RBFOX1: variants seen among roughly 807,000 people sequenced by gnomAD.
RBFOX1 encodes RNA binding fox-1 homolog 1, also known as RNA binding protein fox-1 homolog 1.
RBFOX1 carries 8 observed loss-of-function variants against 57.7 expected under a neutral mutation model. The ratio of observed to expected loss-of-function variants is 0.14; its 90% CI spans 0.08 to 0.25. The LOEUF (loss-of-function observed/expected upper bound fraction) is 0.25, where lower values mean the gene tolerates loss of function less well. RBFOX1 is among the 10% of genes least tolerant of loss of function. The pLI is 1.00. For missense variants in RBFOX1, 611 were observed against 548.5 expected (o/e 1.11, Z -1.14); for synonymous variants, 326 against 222.4 (o/e 1.47, Z -4.15).
chr16:7,095,769 T>A (rs774249746), intron 4 of RBFOX1, among the ~76,000 whole-genome samples: 9 of 152,146 alleles, frequency 5.9e-5, no homozygotes, highest in Non-Finnish European at 1.2e-4. Flanking sequence ...ACGCCTGTAA[T>A]CCCAGCACTT....
chr16:7,286,937 C>A (rs1203639191), intron 4 of RBFOX1, among the ~76,000 whole-genome samples: 1 of 152,130 alleles, frequency 6.6e-6, no homozygotes, highest in East Asian at 1.9e-4. Context: ...CCCTGGGCTT[C>A]AAACTTTAAA....
chr16:5,266,810 C>T (rs530625080), intron 1 of RBFOX1, among the ~76,000 whole-genome samples: 15 of 152,128 alleles, frequency 9.9e-5, no homozygotes, highest in African/African-American at 1.9e-4. Flanking sequence ...CTGCTCACCT[C>T]GGCCTCCCAA....
At chr16:6,160,036 C>T (rs1017611417) in intron 1 of RBFOX1, among the ~76,000 whole-genome samples, 4 of 152,114 alleles carry the variant, frequency 2.6e-5, no homozygotes, top group Admixed American at 2.0e-4. Flanking sequence ...ATTGTTCTTA[C>T]CTTCAGTGAA....
chr16:7,313,886 G>A (rs971202347), intron 4 of RBFOX1, among the ~76,000 whole-genome samples: 8 of 152,152 alleles, frequency 5.3e-5, no homozygotes, highest in Non-Finnish European at 1.2e-4. Context: ...GCCAGTGGCT[G>A]GTTCTGTATG....
intron 2 of RBFOX1, among the ~76,000 whole-genome samples, chr16:6,557,072 T>TATATACATATATAC (rs2097112323): frequency 2.0e-5 from 3 of 146,784 alleles, no homozygotes; most frequent in African/African-American, 7.5e-5. Flanking sequence ...TACATACATA[T>TATATACATATATAC]ATACATATAT....
intron 1 of RBFOX1, among the ~76,000 whole-genome samples, chr16:5,382,699 A>G (rs1376265566): frequency 6.6e-6 from 1 of 152,188 alleles, no homozygotes; most frequent in Non-Finnish European, 1.5e-5. Flanking sequence ...ATTATTTGTA[A>G]AACCCGTGTT....
chr16:5,450,903 T>C (rs1772714300), intron 1 of RBFOX1, among the ~76,000 whole-genome samples: 1 of 152,184 alleles, frequency 6.6e-6, no homozygotes, highest in Non-Finnish European at 1.5e-5. Context: ...AATAGCTCTG[T>C]GACCTGGGCA....
chr16:6,906,499 A>C (rs189504899), intron 3 of RBFOX1, among the ~76,000 whole-genome samples: 1 of 152,292 alleles, frequency 6.6e-6, no homozygotes, highest in East Asian at 1.9e-4. Flanking sequence ...ATTAAAAAAA[A>C]GTGAGTTTAT....
In RBFOX1 at chr16:5,780,752, C is replaced by G. The variant is rs7187434; in HGVS notation, c.319-86551C>G. Among the ~76,000 whole-genome samples, 21 of 152,122 alleles carry G rather than the reference C, an allele frequency of 1.4e-4. 1 individual carries two copies. The South Asian group carries it at 4.3e-3, about 32-fold the overall frequency. ...TTAAGTCACTTGAGTACAAGATGTA[C>G]AGGCAGCTCCCGAGAGAAGCATGGG... On this transcript the variant is annotated intron_variant, in intron 3 of 19. Coordinates refer to the RBFOX1 transcript ENST00000641259.
intron 3 of RBFOX1, among the ~76,000 whole-genome samples, chr16:6,699,565 G>A (rs9806855): frequency 0.076 from 11,549 of 152,254 alleles, 474 homozygotes; most frequent in African/African-American, 0.086. Context: ...ACACCAAAGC[G>A]AGTGATATGT....
At chr16:5,459,268 G>C (rs540935436) in intron 1 of RBFOX1, among the ~76,000 whole-genome samples, 1 of 152,298 alleles carries the variant, frequency 6.6e-6, no homozygotes, top group Admixed American at 6.5e-5. Flanking sequence ...TCTCAGATCA[G>C]CTGCTCCTCA....
intron 4 of RBFOX1, among the ~76,000 whole-genome samples, chr16:7,386,774 C>T (rs2097890139): frequency 6.6e-6 from 1 of 152,108 alleles, no homozygotes; most frequent in East Asian, 1.9e-4. Flanking sequence ...AATGGTATTT[C>T]TAGTTCTATA....
At chr16:5,337,854 G>A (rs976160014) in intron 1 of RBFOX1, among the ~76,000 whole-genome samples, 1 of 151,894 alleles carries the variant, frequency 6.6e-6, no homozygotes, top group Non-Finnish European at 1.5e-5. Context: ...GACCATCCTG[G>A]GTAACACAGT....
At chr16:7,168,654 C>T (rs906360247) in intron 4 of RBFOX1, among the ~76,000 whole-genome samples, 1 of 152,158 alleles carries the variant, frequency 6.6e-6, no homozygotes, top group African/African-American at 2.4e-5. Context: ...CACTGAGAAG[C>T]CTCCACCACT....
In RBFOX1 at chr16:6,305,064, A is replaced by G. The variant is rs931493410; in HGVS notation, c.-126-11931A>G. ...GCTTCCTGTGTGTGTGTGAGAGCTA[A>G]TCACAGCCCCATGGCACGTCTGAGC... On this transcript the variant is annotated intron_variant, in intron 1 of 15. Transcript: ENST00000550418. Among the ~76,000 whole-genome samples, 3 of 152,128 alleles carry G rather than the reference A, an allele frequency of 2.0e-5. No homozygotes were observed. The South Asian group carries it at 6.2e-4, about 32-fold the overall frequency.
chr16:5,347,903 C>T, intron 1 of RBFOX1, among the ~76,000 whole-genome samples: 1 of 147,512 alleles, frequency 6.8e-6, no homozygotes. Context: ...TCCTCCCATC[C>T]ACCCCCTCCC....
intron 2 of RBFOX1, among the ~76,000 whole-genome samples, chr16:6,478,419 ATATATATATATTTTTTTTTTTT>A (rs1379501914): frequency 1.4e-4 from 2 of 13,802 alleles, no homozygotes; most frequent in African/African-American, 4.9e-4. Flanking sequence ...ATATATATAT[ATATATATATATTTTTTTTTTTT>A]TTTTTTGTAT....
chr16:5,414,255 G>A (rs1050577646), intron 1 of RBFOX1, among the ~76,000 whole-genome samples: 4 of 152,122 alleles, frequency 2.6e-5, no homozygotes, highest in Non-Finnish European at 5.9e-5. Context: ...GAGTGTTGTT[G>A]TAAAGGAGTC....
At chr16:6,195,518 G>C (rs1014763043) in intron 1 of RBFOX1, among the ~76,000 whole-genome samples, 3 of 152,126 alleles carry the variant, frequency 2.0e-5, no homozygotes, top group Non-Finnish European at 4.4e-5. Context: ...GGGATTTCGA[G>C]ACCAGCCTGA....
Sources: gnomAD v4.1 joint callset for allele counts (sites outside exome capture counted in the v4.1 genomes callset) on GRCh38, gnomAD v4.1.1 for gene constraint, MANE v1.5 for transcripts, NCBI Gene and HGNC (gene_info 2026-07-23, HGNC 2026-07-21) for gene names.